The following NBPF14 variants were observed in gnomAD, a reference collection of about 807,000 sequenced individuals.
The protein encoded by NBPF14 is NBPF member 14.
Under a neutral mutation model 91.2 loss-of-function variants are expected in NBPF14, and 104 were observed. The observed-to-expected ratio is 1.14, with a 90% CI of 0.97 to 1.34. The LOEUF is 1.34. Ranked by LOEUF, NBPF14 falls within the 40% of genes most tolerant of loss-of-function variation. The probability of loss-of-function intolerance (pLI) is 0.00; values close to 1 mark genes in which losing one functional copy is unlikely to be tolerated. For missense variants in NBPF14, 908 were observed against 783.0 expected (o/e 1.16, Z -1.91); for synonymous variants, 294 against 303.8 (o/e 0.97, Z 0.34).
rs1402200827 is a variant in NBPF14 at position 148,533,671 on chromosome 1, C to A, written c.8723+190G>T. 1.0e-2 allele frequency among the ~76,000 whole-genome samples: 1,486 copies of A among 148,986 alleles called. 26 individuals are homozygous for A. The highest frequency in any genetic ancestry group is 0.034 in the African/African-American group (1,380 of 40,176). On this transcript the variant is annotated intron_variant, in intron 70 of 70. Transcript: ENST00000619423. ...TTTGAAGTATGGTCAACCTATGGTA[C>A]GTTAGGAAATGATAAGGGGAGGAAG...
At chr1:148,595,337 C>T (rs1307546456) in intron 2 of NBPF14, among the ~76,000 whole-genome samples, 1 of 148,202 alleles carries the variant, frequency 6.7e-6, no homozygotes, top group African/African-American at 2.5e-5. Flanking sequence ...CTAGTTCCAC[C>T]CCCATCTGAT....
rs1313288655 is a variant in NBPF14, at chr1:148,531,898, T to TG, written c.*1106dup. 4 of 121,638 alleles carry TG rather than the reference T, an allele frequency of 3.3e-5. No individual in the cohort carries two copies. The East Asian group carries it at 7.9e-4, about 24-fold the overall frequency. 7.5% of individuals were successfully genotyped at this position (121,638 alleles called of 1,614,324 possible). ...GGCTGAGGTTGGAAACTCACAGCAT[T>TG]GTCTCTGCAGTGTTCCTGGCAAAAC... On this transcript the variant is annotated 3_prime_UTR_variant, in exon 71 of 71. Coordinates refer to ENST00000619423, the Ensembl canonical transcript of NBPF14.
intron 34 of NBPF14, among the ~76,000 whole-genome samples, chr1:148,561,785 AC>A: frequency 2.4e-5 from 3 of 124,194 alleles, no homozygotes; most frequent in South Asian, 2.6e-4. Flanking sequence ...AGACACACAC[AC>A]ACACACACAC....
At position 148,559,432 on chromosome 1, in the gene NBPF14, T is replaced by A. The variant is rs1657223106; in HGVS notation, c.4730-360A>T. On this transcript the variant is annotated intron_variant, in intron 37 of 70. Coordinates refer to ENST00000619423, the Ensembl canonical transcript of NBPF14. ...CTGTCTCATCAAATACTCAGATTGT[T>A]CATGGTAGCGAGGATTTCAGACGCT... Among the ~76,000 whole-genome samples, 3 of 133,732 alleles carry A rather than the reference T, an allele frequency of 2.2e-5. 1 individual carries two copies. Among genetic ancestry groups the A allele is most frequent in the African/African-American group, 1.1e-4 (3 of 28,006 alleles). The allele number at this position is 133,732 out of a possible 152,430, so 87.7% of individuals were successfully genotyped here.
At chr1:148,573,961 T>A in intron 19 of NBPF14, 92 bp downstream of exon 19, 1 of 25,634 alleles carries the variant, frequency 3.9e-5, no homozygotes. Flanking sequence ...CAATGACATC[T>A]CTCAGCTCAG....
In NBPF14 at chr1:148,587,273, C is replaced by A. The variant is rs1338961596; in HGVS notation, c.1091+28G>T. 39 of 1,540,728 alleles carry A rather than the reference C, an allele frequency of 2.5e-5. 4 individuals are homozygous for A. The highest frequency in any genetic ancestry group is 3.4e-5 in the Non-Finnish European group (38 of 1,121,088). ...CTTCAGAGATTTACACACCTGCCCC[C>A]CTGCCTGCCCCCATGGGGTCCCCTC... is the stretch of plus-strand genomic sequence containing the variant. On this transcript the variant is annotated intron_variant, in intron 8 of 70. Transcript: ENST00000619423.
intron 37 of NBPF14, among the ~76,000 whole-genome samples, 192 bp from the exon 38 acceptor site, chr1:148,559,264 T>A (rs1209536061): frequency 1.8e-5 from 2 of 110,814 alleles, no homozygotes; most frequent in African/African-American, 1.1e-4. Flanking sequence ...CCAGAAACTG[T>A]GGGTAAAATT....
At chr1:148,532,177 A>G (rs1380664788) in exon 71 of NBPF14, 1 of 152,216 alleles carries the variant, frequency 6.6e-6, no homozygotes, top group Non-Finnish European at 1.5e-5. Flanking sequence ...GACTATGTGA[A>G]GGAGACAGGT....
chr1:148,572,711 A>G, intron 20 of NBPF14, 96 bp from the exon 21 acceptor site: 2 of 658,564 alleles, frequency 3.0e-6, no homozygotes, highest in East Asian at 2.7e-5. Flanking sequence ...AAGAGTTTGA[A>G]AAGAAAAAGG....
rs1249785492 is a variant in NBPF14 at position 148,542,186 on chromosome 1, A to G, written c.7376-347T>C. Among the ~76,000 whole-genome samples, 4 of 92,624 alleles carry G rather than the reference A, an allele frequency of 4.3e-5. 1 individual carries two copies. Among genetic ancestry groups the G allele is most frequent in the African/African-American group, 1.9e-4 (2 of 10,376 alleles). 60.8% of individuals were successfully genotyped at this position (92,624 alleles called of 152,430 possible). A position where few individuals can be genotyped will look rare whatever the true frequency, so the allele number is the denominator to read the frequency against. ...GCAATATTTAGCCCTGTCTCAACAA[A>G]TACGCAGATTGTTCATGGTTGTGAG... On this transcript the variant is annotated intron_variant, in intron 59 of 70. Transcript: ENST00000619423.
intron 69 of NBPF14, among the ~76,000 whole-genome samples, 192 bp downstream of exon 69, chr1:148,534,492 T>A (rs1368514963): frequency 6.6e-6 from 1 of 151,252 alleles, no homozygotes; most frequent in African/African-American, 2.4e-5. Context: ...AGGAAGAGAG[T>A]CTTGCTCACT....
At chr1:148,542,137 C>G (rs1418807210) in intron 59 of NBPF14, among the ~76,000 whole-genome samples, 1 of 105,138 alleles carries the variant, frequency 9.5e-6, no homozygotes, top group Non-Finnish European at 1.7e-5. Flanking sequence ...CATATACCCT[C>G]AAATGATTTC....
Position 148,572,566 on chromosome 1 carries a change from A to G in NBPF14, c.2635T>C (p.Ser879Pro), listed in dbSNP as rs1659255913. 8.3e-5 allele frequency: 54 copies of G among 652,792 alleles called. 5 individuals carry two copies. The highest frequency in any genetic ancestry group is 8.0e-4 in the South Asian group (51 of 64,032). 40.4% of individuals were successfully genotyped at this position (652,792 alleles called of 1,614,324 possible). The change falls in exon 21 of 71, where the codon TCA becomes CCA. Residue 879 changes from serine (S) to proline (P), a missense_variant. By Grantham distance (74) the Ser-to-Pro change is moderately conservative (BLOSUM62 -1). This residue lies in a region of NBPF14 where 447 missense variants were observed against 189.1 expected (regional missense o/e 2.36). Transcript: ENST00000619423. ...GGAGTCGAATAACATCTATCCAGTG[A>G]GTCCTGCAAGACTTCAGGCTCTTTC... is the stretch of plus-strand genomic sequence containing the variant.
intron 2 of NBPF14, among the ~76,000 whole-genome samples, chr1:148,594,364 GAACT>G (rs1345682385): frequency 1.5e-5 from 2 of 137,046 alleles, no homozygotes; most frequent in African/African-American, 3.1e-5. Context: ...TCAGAATGAA[GAACT>G]AATAGATAGT....
rs1446496670 is a variant in NBPF14, at chr1:148,586,880, T to G, written c.1092-411A>C. On this transcript the variant is annotated intron_variant, in intron 8 of 70. Coordinates refer to ENST00000619423, the Ensembl canonical transcript of NBPF14. ...GTGCAGATGGGGCGAATTGAAAAGA[T>G]GAAAGAAGAAAAGAATGACAGGGTC... Among the ~76,000 whole-genome samples the G allele has an allele frequency of 1.5e-5, 2 of 137,016 alleles. 1 individual carries two copies. The highest frequency in any genetic ancestry group is 7.8e-3 in the Middle Eastern group (2 of 258). 89.9% of individuals were successfully genotyped at this position (137,016 alleles called of 152,430 possible). A position where few individuals can be genotyped will look rare whatever the true frequency, so the allele number is the denominator to read the frequency against.
At chr1:148,593,285 C>T (rs1168717738) in intron 3 of NBPF14, among the ~76,000 whole-genome samples, 2 of 148,794 alleles carry the variant, frequency 1.3e-5, no homozygotes, top group South Asian at 2.2e-4. Flanking sequence ...AGTGGGGTGG[C>T]GATAGCACAC....
intron 34 of NBPF14, among the ~76,000 whole-genome samples, 187 bp from the exon 35 acceptor site, chr1:148,561,766 AAGAC>A (rs1199555929): frequency 7.3e-5 from 8 of 109,790 alleles, no homozygotes; most frequent in Non-Finnish European, 1.3e-4. Flanking sequence ...ATGAAAGAGA[AAGAC>A]AGATAGACAC....
Position 148,572,532 on chromosome 1 carries a change from T to C in NBPF14, c.2669A>G (p.Tyr890Cys), listed in dbSNP as rs1209042475. 3,379 of 633,472 alleles carry C rather than the reference T, an allele frequency of 5.3e-3. 373 individuals carry two copies. Among genetic ancestry groups the C allele is most frequent in the Non-Finnish European group, 5.4e-3 (1,926 of 357,908 alleles). 39.2% of individuals were successfully genotyped at this position (633,472 alleles called of 1,614,324 possible). The change falls in exon 21 of 71, where the codon TAT (tyrosine) becomes TGT (cysteine). Residue 890 changes from tyrosine to cysteine, a missense_variant. By Grantham distance (194) the Tyr-to-Cys change is radical. Around this residue, in one of 13 missense-constraint regions of NBPF14, gnomAD observed 447 missense variants for 189.1 expected, o/e 2.36. Transcript: ENST00000619423. ...CTGGCCTAAGTCAGGCAGTTCAAGA[T>C]AACCTGAAGGAGTCGAATAACATCT... is the stretch of plus-strand genomic sequence containing the variant.
At chr1:148,534,163 T>G (rs1271863045) in intron 69 of NBPF14, among the ~76,000 whole-genome samples, 194 bp from the exon 70 acceptor site, 1 of 148,352 alleles carries the variant, frequency 6.7e-6, no homozygotes, top group African/African-American at 2.5e-5. Context: ...AAACTGTGGG[T>G]AAAATGTCCC....
Sources: allele counts gnomAD v4.1 joint callset (sites outside exome capture counted in the v4.1 genomes callset), GRCh38; gene constraint gnomAD v4.1.1; regional missense constraint gnomAD v4.1.1; transcripts MANE v1.5; gene names NCBI Gene and HGNC (gene_info 2026-07-23, HGNC 2026-07-21).